CORO7: variants seen among roughly 807,000 people sequenced by gnomAD.
The protein encoded by CORO7 is coronin-7.
In CORO7, 107 loss-of-function variants were observed where a neutral mutation model predicts 126.6. That is an observed-to-expected ratio of 0.85 (90% CI 0.72 to 0.99). The LOEUF (loss-of-function observed/expected upper bound fraction) is 0.99, where lower values mean the gene tolerates loss of function less well. Among genes scored for constraint, CORO7 ranks in the 50% least tolerant of loss-of-function variants. CORO7 has a pLI of 0.00. For missense variants in CORO7, 1,314 were observed against 1,255.8 expected (o/e 1.05, Z -0.70); for synonymous variants, 603 against 536.8 (o/e 1.12, Z -1.70).
At chr16:4,365,100 C>G in intron 10 of CORO7, 40 bp from the exon 11 acceptor site, 5 of 1,566,688 alleles carry the variant, frequency 3.2e-6, no homozygotes, top group Non-Finnish European at 4.3e-6. Context: ...GCTGACTGAA[C>G]CCCTGGGGAG....
chr16:4,397,677 G>A (rs142177225), intron 6 of CORO7, among the ~76,000 whole-genome samples: 4,411 of 151,948 alleles, frequency 0.029, 175 homozygotes, highest in African/African-American at 0.089. Context: ...GCAGTGGCGC[G>A]ATCTCGGCTC....
In CORO7 at chr16:4,361,188, A is replaced by C; in HGVS notation, c.1748T>G (p.Leu583Arg). 1 of 1,612,542 alleles carries C rather than the reference A, an allele frequency of 6.2e-7. No homozygotes were observed. Among genetic ancestry groups the C allele is most frequent in the Non-Finnish European group, 8.5e-7 (1 of 1,179,996 alleles). Reference sequence around the variant, plus strand: ...TGTGAGCACAGTCTCTGGCGTGGTGAGCACCTCTTCCAGGCCCTCTGCGGG... The same window carrying C: ...TGTGAGCACAGTCTCTGGCGTGGTGCGCACCTCTTCCAGGCCCTCTGCGGG... ...RVPAEGLEEVLTTPETVLTGH... is the reference protein window; with the variant it reads ...RVPAEGLEEVRTTPETVLTGH... Residue 583 changes from leucine to arginine, a missense_variant, in exon 18 of 28, where the codon CTC (leucine) becomes CGC (arginine). Transcript: ENST00000251166.
At chr16:4,370,513 C>G (rs1326929266) in intron 9 of CORO7, among the ~76,000 whole-genome samples, 2 of 152,224 alleles carry the variant, frequency 1.3e-5, no homozygotes, top group Non-Finnish European at 2.9e-5. Flanking sequence ...TCCCATAAAG[C>G]CTGCACTAAA....
intron 9 of CORO7, among the ~76,000 whole-genome samples, chr16:4,375,002 C>T (rs889301403): frequency 4.6e-5 from 7 of 152,108 alleles, no homozygotes; most frequent in African/African-American, 9.7e-5. Flanking sequence ...TCACACCTGC[C>T]GCGTGCCGAA....
rs1177977243 is a variant in CORO7 at position 4,382,250 on chromosome 16, C to T, written c.785+5736G>A. 5.6e-6 allele frequency: 9 copies of T among 1,607,776 alleles called. No individual in the cohort carries two copies. The highest frequency in any genetic ancestry group is 2.2e-5 in the South Asian group (2 of 90,400). ...CGGCCCAGCCCTACACCAGTCACGC[C>T]GAGGCCACCACGGTCCCTGACCCTG... is the stretch of plus-strand genomic sequence containing the variant. On this transcript the variant is annotated intron_variant, in intron 9 of 27. Coordinates refer to ENST00000251166, the MANE Select transcript of CORO7 (RefSeq NM_024535.5).
At chr16:4,398,860 G>C (rs1389191811) in intron 6 of CORO7, among the ~76,000 whole-genome samples, 1 of 151,736 alleles carries the variant, frequency 6.6e-6, no homozygotes, top group Non-Finnish European at 1.5e-5. Context: ...CCCAGCTACT[G>C]GGGAGGCTGA....
At chr16:4,410,845 A>T (rs933557377) in intron 3 of CORO7, among the ~76,000 whole-genome samples, 35 of 152,340 alleles carry the variant, frequency 2.3e-4, no homozygotes, top group African/African-American at 7.9e-4. Context: ...CACAGACTAT[A>T]CATCAATGAA....
intron 9 of CORO7, chr16:4,380,983 G>A (rs1468719481): frequency 1.2e-6 from 2 of 1,608,164 alleles, no homozygotes; most frequent in South Asian, 1.1e-5. Flanking sequence ...GCCACAGACA[G>A]TCTTCTGCAC....
intron 6 of CORO7, among the ~76,000 whole-genome samples, chr16:4,403,223 C>T (rs897829776): frequency 1.2e-4 from 18 of 152,320 alleles, no homozygotes; most frequent in Non-Finnish European, 2.5e-4. Flanking sequence ...TCGCTCTCTG[C>T]ACACTCATGG....
chr16:4,366,857 C>G (rs73507263), intron 9 of CORO7, among the ~76,000 whole-genome samples: 6,541 of 152,232 alleles, frequency 0.043, 171 homozygotes, highest in Admixed American at 0.094. Flanking sequence ...TTTCTTGTTT[C>G]TGGGACCTGC....
rs139291798 is a variant in CORO7, at chr16:4,386,149, G to A, written c.785+1837C>T. Among the ~76,000 whole-genome samples, 745 of 152,316 alleles carry A rather than the reference G, an allele frequency of 4.9e-3. 6 individuals carry two copies. Among genetic ancestry groups the A allele is most frequent in the Non-Finnish European group, 8.2e-3 (557 of 68,016 alleles). ...TGGGGGCTGGCAGAGCAGGGGCCAGGGCTCGGGGGCAGAGGGGAGAGGACC... is the reference window on the plus strand; with the variant it reads ...TGGGGGCTGGCAGAGCAGGGGCCAGAGCTCGGGGGCAGAGGGGAGAGGACC... On this transcript the variant is annotated intron_variant, in intron 9 of 27. Transcript: ENST00000251166.
rs760225887 is a variant in CORO7, at chr16:4,358,453, C to T, written c.2371G>A (p.Asp791Asn). 22 of 1,609,494 alleles carry T rather than the reference C, an allele frequency of 1.4e-5. No homozygotes were observed. The highest frequency in any genetic ancestry group is 3.3e-4 in the Middle Eastern group (2 of 5,998). Residue 791 changes from aspartate to asparagine, a missense_variant, in exon 24 of 28, where the codon GAC becomes AAC. Physicochemically the swap from Asp to Asn is conservative, Grantham distance 23. Coordinates refer to ENST00000251166, the MANE Select transcript of CORO7 (RefSeq NM_024535.5). The stretch of plus-strand genomic sequence containing the variant: ...CGCATCAGCTCCACTTCCCGCACGT[C>T]GCACTCCGTCTTAGGCAGGAGGACG... The part of the protein sequence containing the change: ...GLVLLPKTEC[D>N]VREVELMRCL...
Position 4,407,695 on chromosome 16 carries a change from G to C in CORO7, c.304-11C>G. The C allele has an allele frequency of 6.4e-7, 1 of 1,572,564 alleles. No individual in the cohort carries two copies. ...TCGCCAGAGTTTTACCTGCAAGAAA[G>C]ACCAAGTCCGTGAGCACAGGGCTGA... On this transcript the variant is annotated splice_polypyrimidine_tract_variant and intron_variant, in intron 4 of 27. Coordinates refer to ENST00000251166, the MANE Select transcript of CORO7 (RefSeq NM_024535.5).
intron 2 of CORO7, 154 bp from the exon 3 acceptor site, chr16:4,412,584 G>A: frequency 1.4e-6 from 1 of 732,912 alleles, no homozygotes; most frequent in East Asian, 2.7e-5. Flanking sequence ...CGTAGCAATG[G>A]CCTGTGGGTA....
chr16:4,415,499 A>G (rs943463428), intron 1 of CORO7, among the ~76,000 whole-genome samples: 1 of 152,114 alleles, frequency 6.6e-6, no homozygotes, highest in Admixed American at 6.6e-5. Flanking sequence ...CTCCCTCATG[A>G]GGCTACAAGT....
intron 2 of CORO7, chr16:4,413,028 A>G (rs1204094986): frequency 8.3e-6 from 3 of 362,504 alleles, no homozygotes; most frequent in African/African-American, 2.1e-5. Flanking sequence ...GCACAGAGGG[A>G]CAGCTGGAAA....
intron 5 of CORO7, among the ~76,000 whole-genome samples, chr16:4,406,909 G>A (rs2056019743): frequency 6.6e-6 from 1 of 152,174 alleles, no homozygotes; most frequent in Non-Finnish European, 1.5e-5. Flanking sequence ...AAAGTGCTGG[G>A]ATTACAGGCG....
chr16:4,387,866 C>G, intron 9 of CORO7, 120 bp downstream of exon 9: 2 of 1,287,076 alleles, frequency 1.6e-6, no homozygotes, highest in Non-Finnish European at 2.2e-6. Context: ...CAGCCCAGAT[C>G]AGGTACCCCA....
At chr16:4,371,843 G>T (rs1288457843) in intron 9 of CORO7, 2 of 152,072 alleles carry the variant, frequency 1.3e-5, no homozygotes, top group African/African-American at 2.4e-5. Flanking sequence ...TGCCTCCAGC[G>T]AGCCGACTCC....
Sources: gnomAD v4.1 joint callset for allele counts (sites outside exome capture counted in the v4.1 genomes callset) on GRCh38, gnomAD v4.1.1 for gene constraint, MANE v1.5 for transcripts, NCBI Gene and HGNC (gene_info 2026-07-23, HGNC 2026-07-21) for gene names.